SLCO4C1: variants seen among roughly 807,000 people sequenced by gnomAD.
SLCO4C1 encodes the protein organic anion transporter M1.
In SLCO4C1, 58 loss-of-function variants were observed where a neutral mutation model predicts 72.1. The ratio of observed to expected loss-of-function variants is 0.80; its 90% CI spans 0.65 to 1.00. The LOEUF (loss-of-function observed/expected upper bound fraction) is 1.00, where lower values mean the gene tolerates loss of function less well. Ranked by LOEUF, SLCO4C1 falls within the 50% of genes least tolerant of loss-of-function variation. The pLI, the probability that SLCO4C1 is intolerant of heterozygous loss-of-function variation, is 0.00. For missense variants in SLCO4C1, 898 were observed against 857.9 expected (o/e 1.05, Z -0.58); for synonymous variants, 297 against 312.5 (o/e 0.95, Z 0.52).
chr5:102,263,656 A>C lies in SLCO4C1; in HGVS notation c.899+28T>G, dbSNP rs754953784. The C allele has an allele frequency of 5.1e-6, 8 of 1,578,972 alleles. No homozygotes were observed. In the East Asian group the frequency reaches 1.8e-4, roughly 36 times the overall value. ...GCATAATTAAAATAAAATGACTTTA[A>C]ATAAAAGAAAAATAGATACTGCCTT... On this transcript the variant is annotated intron_variant, in intron 4 of 12. Coordinates refer to ENST00000310954, the MANE Select transcript of SLCO4C1 (RefSeq NM_180991.5).
intron 2 of SLCO4C1, among the ~76,000 whole-genome samples, chr5:102,284,693 T>G (rs1251540632): frequency 1.3e-5 from 2 of 152,098 alleles, no homozygotes; most frequent in Non-Finnish European, 2.9e-5. Context: ...TCCTAATGCC[T>G]CTAGAAACTG....
At chr5:102,276,308 A>G (rs1034256155) in intron 2 of SLCO4C1, among the ~76,000 whole-genome samples, 3 of 152,210 alleles carry the variant, frequency 2.0e-5, no homozygotes, top group Non-Finnish European at 2.9e-5. Context: ...ACAAAAAGCT[A>G]TCTGCAAAAT....
At chr5:102,284,919 T>C (rs1749422598) in intron 2 of SLCO4C1, among the ~76,000 whole-genome samples, 1 of 152,200 alleles carries the variant, frequency 6.6e-6, no homozygotes, top group African/African-American at 2.4e-5. Context: ...CAAAACTGGC[T>C]GCATTAGAGC....
chr5:102,266,643 T>C (rs1749045870), intron 3 of SLCO4C1, among the ~76,000 whole-genome samples: 1 of 150,614 alleles, frequency 6.6e-6, no homozygotes, highest in African/African-American at 2.5e-5. Flanking sequence ...AGAGCGAGAT[T>C]CCATCTCAAA....
At position 102,268,647 on chromosome 5, in the gene SLCO4C1, G is replaced by T. The variant is rs1019024226; in HGVS notation, c.802+1977C>A. ...TTTCTGATTGTTTTATATATCCTTT[G>T]TTCATTTCTTCCTCTCTCGTTCATC... On this transcript the variant is annotated intron_variant, in intron 3 of 12. Coordinates refer to ENST00000310954, the MANE Select transcript of SLCO4C1 (RefSeq NM_180991.5). Among the ~76,000 whole-genome samples the T allele has an allele frequency of 3.3e-5, 5 of 152,082 alleles. No individual in the cohort carries two copies. The South Asian group carries it at 1.0e-3, about 32-fold the overall frequency.
chr5:102,246,829 G>C (rs1303532772), intron 10 of SLCO4C1, among the ~76,000 whole-genome samples: 1 of 152,118 alleles, frequency 6.6e-6, no homozygotes, highest in Admixed American at 6.6e-5. Context: ...GAACAACACA[G>C]GTAATAGCCA....
chr5:102,270,740 A>G lies in SLCO4C1; in HGVS notation c.686T>C (p.Leu229Ser). Residue 229 changes from leucine (L) to serine (S), a missense_variant, in exon 3 of 13, where the codon TTG becomes TCG. Leu to Ser is a moderately radical substitution (Grantham distance 145). Transcript: ENST00000310954. ...TAGTTGTCCCAAGATGAAGACATAC[A>G]AGTAGTTAGAAAGTGAAGAAGTTGA... is the stretch of plus-strand genomic sequence containing the variant. ...TSSTSSLSNY[L>S]YVFILGQLLL... 1.2e-6 allele frequency: 2 copies of G among 1,613,120 alleles called. No homozygotes were observed. Among genetic ancestry groups the G allele is most frequent in the Non-Finnish European group, 1.7e-6 (2 of 1,179,428 alleles).
intron 6 of SLCO4C1, among the ~76,000 whole-genome samples, chr5:102,258,505 T>C (rs549191765): frequency 4.6e-5 from 7 of 152,296 alleles, no homozygotes; most frequent in Admixed American, 3.3e-4. Flanking sequence ...GAGATGAGAA[T>C]GGTCTCTAAG....
At chr5:102,284,233 T>C (rs1268979339) in intron 2 of SLCO4C1, among the ~76,000 whole-genome samples, 1 of 152,102 alleles carries the variant, frequency 6.6e-6, no homozygotes, top group Middle Eastern at 3.2e-3. Flanking sequence ...TTACCTACTC[T>C]TACTGTCTTC....
chr5:102,255,634 T>A (rs1031327528), intron 8 of SLCO4C1, among the ~76,000 whole-genome samples: 1 of 152,150 alleles, frequency 6.6e-6, no homozygotes, highest in East Asian at 1.9e-4. Context: ...ATATTCCCTC[T>A]CCCTTTCTCT....
At chr5:102,272,177 T>C (rs1749165391) in intron 2 of SLCO4C1, among the ~76,000 whole-genome samples, 1 of 152,144 alleles carries the variant, frequency 6.6e-6, no homozygotes, top group Non-Finnish European at 1.5e-5. Context: ...AAGACAGAGA[T>C]CCAGCATTCT....
chr5:102,293,918 T>C (rs927530666), intron 1 of SLCO4C1, among the ~76,000 whole-genome samples: 1 of 151,778 alleles, frequency 6.6e-6, no homozygotes, highest in Non-Finnish European at 1.5e-5. Context: ...TGGTGTTTTG[T>C]TTTGTTTTGA....
rs1310184511 is a variant in SLCO4C1 at position 102,260,199 on chromosome 5, G to A, written c.1128+14C>T. ...ATGAGACTGAGAGAGAGACAGAGAA[G>A]AATTTTATTTTACCTTTAGAGCAGC... is the stretch of plus-strand genomic sequence containing the variant. On this transcript the variant is annotated intron_variant, in intron 6 of 12. Transcript: ENST00000310954. The A allele has an allele frequency of 9.1e-7, 1 of 1,099,820 alleles. No individual in the cohort carries two copies. Among genetic ancestry groups the A allele is most frequent in the Admixed American group, 2.9e-5 (1 of 34,284 alleles). The allele number at this position is 1,099,820 out of a possible 1,614,324, so 68.1% of individuals were successfully genotyped here.
At position 102,260,331 on chromosome 5, in the gene SLCO4C1, ATAT is replaced by A. The variant is rs1561371802; in HGVS notation, c.1022-15_1022-13del. The A allele has an allele frequency of 1.2e-3, 21 of 18,258 alleles. No homozygotes were observed. The highest frequency in any genetic ancestry group is 7.5e-3 in the African/African-American group (5 of 666). 1.1% of individuals were successfully genotyped at this position (18,258 alleles called of 1,614,324 possible). On this transcript the variant is annotated splice_polypyrimidine_tract_variant and intron_variant, in intron 5 of 12. Coordinates refer to ENST00000310954, the MANE Select transcript of SLCO4C1 (RefSeq NM_180991.5). Reference sequence around the variant, plus strand: ...AATTTCTGCTGTACCTAAAAAAAAAATATATATATATATATAATATATATATTA... The same window carrying A: ...AATTTCTGCTGTACCTAAAAAAAAAAATATATATATATAATATATATATTA...
intron 3 of SLCO4C1, among the ~76,000 whole-genome samples, chr5:102,266,085 C>A (rs1431980208): frequency 6.6e-6 from 1 of 151,818 alleles, no homozygotes; most frequent in Non-Finnish European, 1.5e-5. Context: ...ATATTACTTT[C>A]TTGATATATT....
At chr5:102,273,197 G>T (rs1025663038) in intron 2 of SLCO4C1, among the ~76,000 whole-genome samples, 1 of 151,792 alleles carries the variant, frequency 6.6e-6, no homozygotes, top group East Asian at 1.9e-4. Flanking sequence ...GATTTAAAAG[G>T]TTACAGAGAA....
intron 10 of SLCO4C1, among the ~76,000 whole-genome samples, chr5:102,242,512 C>T (rs1015972592): frequency 6.6e-6 from 1 of 152,126 alleles, no homozygotes; most frequent in African/African-American, 2.4e-5. Flanking sequence ...AACTCAGCTA[C>T]AGGAGGACAG....
intron 12 of SLCO4C1, among the ~76,000 whole-genome samples, chr5:102,237,838 T>C (rs1748467873): frequency 6.6e-6 from 1 of 152,194 alleles, no homozygotes; most frequent in Non-Finnish European, 1.5e-5. Context: ...AATCTACTCT[T>C]CTTATCAGCT....
rs570915582 is a variant in SLCO4C1, at chr5:102,235,498, G to A, written c.*1360C>T. 8 of 152,304 alleles carry A rather than the reference G, an allele frequency of 5.3e-5. No individual in the cohort carries two copies. The East Asian group carries it at 1.5e-3, about 29-fold the overall frequency. 9.4% of individuals were successfully genotyped at this position (152,304 alleles called of 1,614,324 possible). A position where few individuals can be genotyped will look rare whatever the true frequency, so the allele number is the denominator to read the frequency against. ...GGCATAAATCTGACCTGAATAAACA[G>A]GGTTATAACATTATCAGGCTTGTAA... is the stretch of plus-strand genomic sequence containing the variant. On this transcript the variant is annotated 3_prime_UTR_variant, in exon 13 of 13. Coordinates refer to ENST00000310954, the MANE Select transcript of SLCO4C1 (RefSeq NM_180991.5).
Sources: gnomAD v4.1 joint callset for allele counts (sites outside exome capture counted in the v4.1 genomes callset) on GRCh38, gnomAD v4.1.1 for gene constraint, MANE v1.5 for transcripts, NCBI Gene and HGNC (gene_info 2026-07-23, HGNC 2026-07-21) for gene names.